Variants in CRPPA observed in about 807,000 individuals in gnomAD.
CRPPA encodes the protein D-ribitol-5-phosphate cytidylyltransferase.
Under a neutral mutation model 52.0 loss-of-function variants are expected in CRPPA, and 43 were observed. The ratio of observed to expected loss-of-function variants is 0.83; its 90% CI spans 0.65 to 1.07. The LOEUF is 1.07. Ranked by LOEUF, CRPPA falls within the 50% of genes least tolerant of loss-of-function variation. The pLI is 0.00. For synonymous variants in CRPPA, 250 were observed against 203.5 expected (o/e 1.23, Z -1.94); for missense variants, 629 against 551.7 (o/e 1.14, Z -1.40).
At chr7:16,251,204 C>T (rs1363651143) in intron 8 of CRPPA, among the ~76,000 whole-genome samples, 3 of 152,156 alleles carry the variant, frequency 2.0e-5, no homozygotes, top group Non-Finnish European at 4.4e-5. Context: ...ACACCCAATA[C>T]AGGAGCACCC....
chr7:16,294,217 C>A (rs1488148738), intron 5 of CRPPA, among the ~76,000 whole-genome samples: 2 of 151,814 alleles, frequency 1.3e-5, no homozygotes, highest in South Asian at 4.1e-4. Flanking sequence ...GCATAAATAT[C>A]ATCATTTGGG....
chr7:16,214,749 C>T (rs538049550), intron 9 of CRPPA, among the ~76,000 whole-genome samples: 37 of 152,248 alleles, frequency 2.4e-4, no homozygotes, highest in African/African-American at 6.0e-4. Context: ...TCAAGTGATC[C>T]GCCCGCCCAT....
intron 5 of CRPPA, among the ~76,000 whole-genome samples, chr7:16,298,181 G>T (rs1331551414): frequency 6.6e-6 from 1 of 152,162 alleles, no homozygotes. Flanking sequence ...AGCTGGGAGA[G>T]CATCGTAAGA....
In CRPPA at chr7:16,376,231, G is replaced by C; in HGVS notation, c.545C>G (p.Ala182Gly). Residue 182 changes from alanine (A) to glycine (G), a missense_variant, in exon 3 of 10, where the codon GCC becomes GGC. Transcript: ENST00000407010. ...GACAGTAGATACAAGAGGTCGAATGGCTCCTGCTGCCTGAAGAACAAAGAG... is the reference window on the plus strand; with the variant it reads ...GACAGTAGATACAAGAGGTCGAATGCCTCCTGCTGCCTGAAGAACAAAGAG... Reference protein sequence around the residue: ...TAAKEHGAAGAIRPLVSTVVS... With the variant: ...TAAKEHGAAGGIRPLVSTVVS... 1.2e-6 allele frequency: 2 copies of C among 1,600,338 alleles called. No individual in the cohort carries two copies. The highest frequency in any genetic ancestry group is 1.8e-5 in the Admixed American group (1 of 57,094).
chr7:16,205,531 C>T (rs1242687030), intron 9 of CRPPA, among the ~76,000 whole-genome samples: 2 of 152,128 alleles, frequency 1.3e-5, no homozygotes. Flanking sequence ...AAAATTGCTA[C>T]CAAAGTTCAG....
intron 9 of CRPPA, among the ~76,000 whole-genome samples, chr7:16,173,369 T>C (rs1781233360): frequency 6.6e-6 from 1 of 152,190 alleles, no homozygotes; most frequent in Non-Finnish European, 1.5e-5. Flanking sequence ...GCAAGCATTC[T>C]TTTAGTGAGA....
intron 8 of CRPPA, among the ~76,000 whole-genome samples, chr7:16,223,799 G>C (rs888337784): frequency 6.6e-6 from 1 of 152,116 alleles, no homozygotes; most frequent in African/African-American, 2.4e-5. Context: ...AGCCTGGACA[G>C]GCTTGCATCC....
chr7:16,266,334 A>C (rs1295141), intron 6 of CRPPA: 1 of 151,974 alleles, frequency 6.6e-6, no homozygotes, highest in African/African-American at 2.4e-5. Flanking sequence ...TTGTGCATCC[A>C]TCTCTCACTG....
chr7:16,120,001 G>A (rs975678560), intron 9 of CRPPA, among the ~76,000 whole-genome samples: 2 of 152,196 alleles, frequency 1.3e-5, no homozygotes, highest in Admixed American at 6.5e-5. Flanking sequence ...TCTAGTGGAA[G>A]TCAAGCTGGC....
intron 2 of CRPPA, among the ~76,000 whole-genome samples, chr7:16,395,080 G>A (rs1482759129): frequency 6.6e-6 from 1 of 152,154 alleles, no homozygotes; most frequent in African/African-American, 2.4e-5. Context: ...ACATCTCCCT[G>A]AGAAGCTTGT....
At position 16,207,935 on chromosome 7, in the gene CRPPA, T is replaced by C. The variant is rs1164712720; in HGVS notation, c.1251+8131A>G. On this transcript the variant is annotated intron_variant, in intron 9 of 9. Transcript: ENST00000407010. ...TACCAGTAGGATTCCACTTGTCAAA[T>C]TGCCTTCTTTTTGTTTCTATTCCTC... Among the ~76,000 whole-genome samples the C allele has an allele frequency of 2.6e-5, 4 of 152,286 alleles. No homozygotes were observed. The East Asian group carries it at 5.8e-4, about 22-fold the overall frequency.
chr7:16,329,591 T>A (rs1183266012), intron 3 of CRPPA, among the ~76,000 whole-genome samples: 2 of 152,190 alleles, frequency 1.3e-5, no homozygotes, highest in Admixed American at 6.5e-5. Context: ...TTAAACTACA[T>A]ATGTGAAAAA....
At chr7:16,303,139 A>G (rs1448618137) in intron 4 of CRPPA, among the ~76,000 whole-genome samples, 1 of 152,198 alleles carries the variant, frequency 6.6e-6, no homozygotes, top group East Asian at 1.9e-4. Flanking sequence ...TTTTAGAAAT[A>G]CTATAGCATT....
At position 16,113,441 on chromosome 7, in the gene CRPPA, A is replaced by G. The variant is rs149612617; in HGVS notation, c.1252-21642T>C. On this transcript the variant is annotated intron_variant, in intron 9 of 9. Transcript: ENST00000407010. ...TGGTTGTAAATTTTCCACCAACTAC[A>G]GAACAAAAATTCATCAAGGAAACCT... is the stretch of plus-strand genomic sequence containing the variant. Among the ~76,000 whole-genome samples, 405 of 152,240 alleles carry G rather than the reference A, an allele frequency of 2.7e-3. 2 individuals are homozygous for G. Among genetic ancestry groups the G allele is most frequent in the African/African-American group, 9.5e-3 (394 of 41,562 alleles).
rs1788338994 is a variant in CRPPA, at chr7:16,421,481, TTGCTGCCCCGCAGGGGAC to T, written c.-177_-160del. 1.3e-5 allele frequency among the ~76,000 whole-genome samples: 2 copies of T among 152,228 alleles called. No homozygotes were observed. Among genetic ancestry groups the T allele is most frequent in the Non-Finnish European group, 2.9e-5 (2 of 67,992 alleles). Reference sequence around the variant, plus strand: ...CCCCTCAGCCGTCGGAGCCCCGCTGTTGCTGCCCCGCAGGGGACGATCCCGACAGCTACGGCAGCAGCT... The same window carrying T: ...CCCCTCAGCCGTCGGAGCCCCGCTGTGATCCCGACAGCTACGGCAGCAGCT... On this transcript the variant is annotated 5_prime_UTR_variant, in exon 1 of 10. Coordinates refer to ENST00000407010, the MANE Select transcript of CRPPA (RefSeq NM_001101426.4).
chr7:16,298,217 T>C (rs1024930767), intron 5 of CRPPA, among the ~76,000 whole-genome samples: 4 of 152,150 alleles, frequency 2.6e-5, no homozygotes, highest in African/African-American at 7.2e-5. Context: ...GCAATAAAGA[T>C]ATTATAACAT....
In CRPPA at chr7:16,335,274, C is replaced by T. The variant is rs537479316; in HGVS notation, c.685-26647G>A. On this transcript the variant is annotated intron_variant, in intron 3 of 9. Coordinates refer to ENST00000407010, the MANE Select transcript of CRPPA (RefSeq NM_001101426.4). ...AGGCAGGAGGATAACTGTAACTTGA[C>T]CGTGGGAGGTCAAGGCTGCAATGAG... Among the ~76,000 whole-genome samples, 5 of 151,604 alleles carry T rather than the reference C, an allele frequency of 3.3e-5. No homozygotes were observed. In the East Asian group the frequency reaches 9.7e-4, roughly 30 times the overall value.
At chr7:16,354,985 A>C (rs1408241379) in intron 3 of CRPPA, among the ~76,000 whole-genome samples, 1 of 152,188 alleles carries the variant, frequency 6.6e-6, no homozygotes, top group African/African-American at 2.4e-5. Flanking sequence ...CTCCCAACTA[A>C]TCAGCAAGAA....
rs559425771 is a variant in CRPPA, at chr7:16,379,266, T to A, written c.535-3025A>T. On this transcript the variant is annotated intron_variant, in intron 2 of 9. Coordinates refer to ENST00000407010, the MANE Select transcript of CRPPA (RefSeq NM_001101426.4). ...GTCTAACGTTTAAGTCTTTAATCCATCTTGAATTAATTTGTCAAAGATCAG... is the reference window on the plus strand; with the variant it reads ...GTCTAACGTTTAAGTCTTTAATCCAACTTGAATTAATTTGTCAAAGATCAG... 2.6e-5 allele frequency among the ~76,000 whole-genome samples: 4 copies of A among 152,336 alleles called. No homozygotes were observed. In the South Asian group the frequency reaches 8.3e-4, roughly 32 times the overall value.
Sources: allele counts gnomAD v4.1 joint callset (sites outside exome capture counted in the v4.1 genomes callset), GRCh38; gene constraint gnomAD v4.1.1; transcripts MANE v1.5; gene names NCBI Gene and HGNC (gene_info 2026-07-23, HGNC 2026-07-21).